Variants in CYP7B1 observed in about 807,000 individuals in gnomAD.
CYP7B1 encodes cytochrome P450 family 7 subfamily B member 1, also known as cytochrome P450 7B1.
Under a neutral mutation model 42.7 loss-of-function variants are expected in CYP7B1, and 29 were observed. That is an observed-to-expected ratio of 0.68 (90% confidence interval 0.51 to 0.93). The LOEUF (loss-of-function observed/expected upper bound fraction) is 0.93. Ranked by LOEUF, CYP7B1 falls within the 40% of genes least tolerant of loss-of-function variation. The probability of loss-of-function intolerance (pLI) is 0.00; values close to 1 mark genes in which losing one functional copy is unlikely to be tolerated. For missense variants in CYP7B1, 655 were observed against 600.5 expected (o/e 1.09, Z -0.95); for synonymous variants, 235 against 218.2 (o/e 1.08, Z -0.68).
chr8:64,643,590 C>T (rs946884386), intron 1 of CYP7B1, among the ~76,000 whole-genome samples: 5 of 152,164 alleles, frequency 3.3e-5, no homozygotes, highest in Admixed American at 2.0e-4. Flanking sequence ...TGAAGTTTGT[C>T]GCATCAATTG....
intron 1 of CYP7B1, among the ~76,000 whole-genome samples, chr8:64,741,620 C>G (rs533193008): frequency 1.3e-5 from 2 of 152,034 alleles, no homozygotes; most frequent in Non-Finnish European, 2.9e-5. Context: ...GCCCAGCCCC[C>G]AAAAATTCTT....
Position 64,616,008 on chromosome 8 carries a change from G to A in CYP7B1, c.533C>T (p.Ala178Val), listed in dbSNP as rs1231139998. The change falls in exon 3 of 6, where the codon GCA (alanine) becomes GTA (valine). Residue 178 changes from alanine to valine, a missense_variant. Transcript: ENST00000310193. ...TGAGCTGCAGAATGGATACAGTTCT[G>A]CCGTGTCCCAACTTGTGGTTTTTAA... ...QLLKTTSWDT[A>V]ELYPFCSSII... 6.2e-7 allele frequency: 1 copy of A among 1,613,670 alleles called. No individual in the cohort carries two copies. Among genetic ancestry groups the A allele is most frequent in the South Asian group, 1.1e-5 (1 of 91,072 alleles).
intron 1 of CYP7B1, among the ~76,000 whole-genome samples, chr8:64,793,375 T>G (rs1804652327): frequency 6.6e-6 from 1 of 152,200 alleles, no homozygotes; most frequent in Admixed American, 6.5e-5. Flanking sequence ...TCAGAAAAAC[T>G]ATTTTTTTTC....
intron 1 of CYP7B1, among the ~76,000 whole-genome samples, chr8:64,752,715 T>G (rs1042793270): frequency 6.6e-6 from 1 of 152,230 alleles, no homozygotes; most frequent in Non-Finnish European, 1.5e-5. Context: ...TATACATGTA[T>G]GCCTGAAACC....
At chr8:64,621,378 G>A (rs899140252) in intron 2 of CYP7B1, among the ~76,000 whole-genome samples, 1 of 152,218 alleles carries the variant, frequency 6.6e-6, no homozygotes, top group Non-Finnish European at 1.5e-5. Context: ...TGGAGAAGAG[G>A]CACCAAATAT....
chr8:64,657,427 T>TA (rs1166889608), intron 1 of CYP7B1, among the ~76,000 whole-genome samples: 4 of 152,184 alleles, frequency 2.6e-5, no homozygotes, highest in African/African-American at 9.6e-5. Flanking sequence ...GGCTTTCTCT[T>TA]TGATGTTCTC....
chr8:64,621,734 ATTTTTT>A (rs201366655), intron 2 of CYP7B1, among the ~76,000 whole-genome samples: 1 of 132,646 alleles, frequency 7.5e-6, no homozygotes, highest in Non-Finnish European at 1.6e-5. Flanking sequence ...AATGCATACA[ATTTTTT>A]TTTTTTTTTT....
chr8:64,648,798 T>C (rs966727602), intron 1 of CYP7B1, among the ~76,000 whole-genome samples: 1 of 152,188 alleles, frequency 6.6e-6, no homozygotes, highest in African/African-American at 2.4e-5. Flanking sequence ...TAATTTCTGC[T>C]GAATGGGATA....
chr8:64,693,944 C>T (rs1342428460), intron 1 of CYP7B1, among the ~76,000 whole-genome samples: 1 of 152,178 alleles, frequency 6.6e-6, no homozygotes, highest in East Asian at 1.9e-4. Context: ...TAAGTAGTGA[C>T]AAGATGATAA....
chr8:64,675,737 A>G (rs1246186297), intron 1 of CYP7B1, among the ~76,000 whole-genome samples: 1 of 152,130 alleles, frequency 6.6e-6, no homozygotes, highest in African/African-American at 2.4e-5. Flanking sequence ...AAGAACTGGG[A>G]GCGTGGTTGT....
chr8:64,642,765 A>G (rs1805877097), intron 1 of CYP7B1, among the ~76,000 whole-genome samples: 1 of 152,158 alleles, frequency 6.6e-6, no homozygotes, highest in Admixed American at 6.6e-5. Context: ...ATACAGAAGT[A>G]AAGCACCAGG....
chr8:64,665,874 C>T (rs1188844245), intron 1 of CYP7B1, among the ~76,000 whole-genome samples: 1 of 152,098 alleles, frequency 6.6e-6, no homozygotes, highest in Non-Finnish European at 1.5e-5. Flanking sequence ...CCACGCCCTG[C>T]TTAAGTTTTA....
intron 1 of CYP7B1, among the ~76,000 whole-genome samples, chr8:64,655,080 C>A (rs1355016199): frequency 6.6e-6 from 1 of 152,108 alleles, no homozygotes; most frequent in Non-Finnish European, 1.5e-5. Flanking sequence ...GGAAGACAAC[C>A]TAGGCAATAC....
intron 1 of CYP7B1, among the ~76,000 whole-genome samples, chr8:64,694,822 A>C (rs773985320): frequency 6.6e-6 from 1 of 152,190 alleles, no homozygotes; most frequent in Admixed American, 6.5e-5. Context: ...GGAGGAATGT[A>C]ATGGTTTCCC....
intron 1 of CYP7B1, among the ~76,000 whole-genome samples, chr8:64,689,760 G>T (rs1275883964): frequency 6.6e-6 from 1 of 151,950 alleles, no homozygotes; most frequent in Non-Finnish European, 1.5e-5. Context: ...TAGAGATGGG[G>T]TTTCACCATG....
intron 1 of CYP7B1, among the ~76,000 whole-genome samples, chr8:64,708,046 A>C (rs1807025903): frequency 6.6e-6 from 1 of 152,162 alleles, no homozygotes; most frequent in African/African-American, 2.4e-5. Flanking sequence ...AGCATGGACT[A>C]TCAGCAGAAA....
At chr8:64,639,249 T>A (rs1340738135) in intron 1 of CYP7B1, among the ~76,000 whole-genome samples, 2 of 152,144 alleles carry the variant, frequency 1.3e-5, no homozygotes, top group Non-Finnish European at 2.9e-5. Flanking sequence ...AATTATTCTG[T>A]TTCTTGTCCA....
chr8:64,622,854 G>C (rs1805552016), intron 2 of CYP7B1, among the ~76,000 whole-genome samples: 1 of 152,260 alleles, frequency 6.6e-6, no homozygotes, highest in East Asian at 1.9e-4. Flanking sequence ...AGGTACATTT[G>C]GTAGATACAT....
chr8:64,760,370 C>G (rs1807870556), intron 1 of CYP7B1, among the ~76,000 whole-genome samples: 1 of 151,902 alleles, frequency 6.6e-6, no homozygotes, highest in African/African-American at 2.4e-5. Flanking sequence ...GAGACTACAT[C>G]AAACTAAAAA....
Sources: allele counts gnomAD v4.1 joint callset (sites outside exome capture counted in the v4.1 genomes callset), GRCh38; gene constraint gnomAD v4.1.1; transcripts MANE v1.5; gene names NCBI Gene and HGNC (gene_info 2026-07-23, HGNC 2026-07-21).